LYPD1: variants seen among roughly 807,000 people sequenced by gnomAD.
The protein encoded by LYPD1 is ly6/PLAUR domain-containing protein 1.
In LYPD1, 14 loss-of-function variants were observed where a neutral mutation model predicts 14.2. The ratio of observed to expected loss-of-function variants is 0.99; its 90% CI spans 0.65 to 1.54. The LOEUF (loss-of-function observed/expected upper bound fraction) is 1.54. Among genes scored for constraint, LYPD1 ranks in the 40% most tolerant of loss-of-function variants. The probability of loss-of-function intolerance (pLI) is 0.00; values close to 1 mark genes in which losing one functional copy is unlikely to be tolerated. For missense variants in LYPD1, 165 were observed against 175.7 expected, an observed-to-expected ratio of 0.94 and a Z score of 0.34; for synonymous variants, 85 against 70.6, an observed-to-expected ratio of 1.20 and a Z score of -1.02.
upstream of LYPD1, chr2:132,671,148 G>C (rs1378632581): frequency 1.3e-5 from 2 of 152,308 alleles, no homozygotes; most frequent in Non-Finnish European, 2.9e-5. Flanking sequence ...CCTCAAATTC[G>C]TCTTCTTTCC....
At chr2:132,651,240 C>G (rs1682349551) in intron 2 of LYPD1, among the ~76,000 whole-genome samples, 1 of 152,178 alleles carries the variant, frequency 6.6e-6, no homozygotes, top group Admixed American at 6.5e-5. Flanking sequence ...CAACCATCCT[C>G]AAATGGCTTC....
chr2:132,653,831 A>C (rs954632766), intron 2 of LYPD1, among the ~76,000 whole-genome samples: 2 of 152,222 alleles, frequency 1.3e-5, no homozygotes, highest in African/African-American at 4.8e-5. Flanking sequence ...CTTGTCAAAA[A>C]TGCAAAACCT....
At chr2:132,668,756 T>A (rs1490846278) in intron 1 of LYPD1, among the ~76,000 whole-genome samples, 1 of 152,080 alleles carries the variant, frequency 6.6e-6, no homozygotes, top group Admixed American at 6.5e-5. Flanking sequence ...CCGCCACCCC[T>A]GGACCCCGGC....
chr2:132,650,897 AGGG>A (rs1374041594), intron 2 of LYPD1, among the ~76,000 whole-genome samples: 1 of 152,192 alleles, frequency 6.6e-6, no homozygotes, highest in Non-Finnish European at 1.5e-5. Flanking sequence ...TAATTTGCTT[AGGG>A]TCCATTCAGG....
At position 132,643,376 on chromosome 2, in the gene LYPD1, C is replaced by T. The variant is rs1681899665; in HGVS notation, c.*2669G>A. ...AACAAAGGAGAAGAGTTTCCAAGGC[C>T]TTCCTTGCTCACATATGGATTTGTG... is the stretch of plus-strand genomic sequence containing the variant. On this transcript the variant is annotated 3_prime_UTR_variant, in exon 3 of 3. Coordinates refer to ENST00000397463, the MANE Select transcript of LYPD1 (RefSeq NM_144586.7). Among the ~76,000 whole-genome samples, 1 of 152,192 alleles carries T rather than the reference C, an allele frequency of 6.6e-6. No individual in the cohort carries two copies. The highest frequency in any genetic ancestry group is 2.1e-4 in the South Asian group (1 of 4,828).
intron 2 of LYPD1, among the ~76,000 whole-genome samples, chr2:132,656,145 C>T (rs996732572): frequency 2.4e-4 from 37 of 152,206 alleles, no homozygotes; most frequent in African/African-American, 8.7e-4. Flanking sequence ...TTTCTGTGGA[C>T]CATTATGCAT....
chr2:132,667,578 C>A (rs2104928470), intron 2 of LYPD1, among the ~76,000 whole-genome samples: 1 of 152,310 alleles, frequency 6.6e-6, no homozygotes, highest in African/African-American at 2.4e-5. Flanking sequence ...ATTTCCCATC[C>A]TTTTAATATC....
At position 132,670,163 on chromosome 2, in the gene LYPD1, G is replaced by A. The variant is rs1282228928; in HGVS notation, c.-231C>T. 3.7e-6 allele frequency: 5 copies of A among 1,345,582 alleles called. No homozygotes were observed. Among genetic ancestry groups the A allele is most frequent in the Admixed American group, 3.9e-5 (1 of 25,558 alleles). The allele number at this position is 1,345,582 out of a possible 1,614,324, so 83.4% of individuals were successfully genotyped here. ...TCTGCTCCTCCCGCTCGCGCTCCCG[G>A]GCCGAGCACCGCGCCTCCGGAGTTG... On this transcript the variant is annotated 5_prime_UTR_variant, in exon 1 of 3. Transcript: ENST00000397463. The surrounding 1 kb of genome is among the most constrained non-coding windows in gnomAD (Gnocchi z 4.5).
rs534604885 is a variant in LYPD1, at chr2:132,656,474, AC to A, written c.191-10195del. Among the ~76,000 whole-genome samples the A allele has an allele frequency of 1.1e-4, 17 of 152,360 alleles. No homozygotes were observed. In the East Asian group the frequency reaches 3.3e-3, roughly 29 times the overall value. On this transcript the variant is annotated intron_variant, in intron 2 of 2. Coordinates refer to ENST00000397463, the MANE Select transcript of LYPD1 (RefSeq NM_144586.7). Reference sequence around the variant, plus strand: ...ATTGGAATGAACTACAAGCATTTTCACTGAGCTCAAAGAAACTGCAAGAAAA... The same window carrying A: ...ATTGGAATGAACTACAAGCATTTTCATGAGCTCAAAGAAACTGCAAGAAAA...
chr2:132,657,327 G>T (rs538272409), intron 2 of LYPD1, among the ~76,000 whole-genome samples: 1 of 152,120 alleles, frequency 6.6e-6, no homozygotes, highest in African/African-American at 2.4e-5. Flanking sequence ...GTTTGCCATG[G>T]GGGATTGAGG....
chr2:132,670,388 A>G (rs1683624816), upstream of LYPD1, among the ~76,000 whole-genome samples: 1 of 151,814 alleles, frequency 6.6e-6, no homozygotes, highest in Non-Finnish European at 1.5e-5. This position sits in a 1 kb window ranked among gnomAD's most constrained non-coding sequence, Gnocchi z 4.5. Context: ...CGTTCCTGGG[A>G]AAGGGGCGCC....
chr2:132,670,894 C>T (rs1683673115), upstream of LYPD1, among the ~76,000 whole-genome samples: 1 of 152,160 alleles, frequency 6.6e-6, no homozygotes, highest in Admixed American at 6.5e-5. The surrounding 1 kb of genome is among the most constrained non-coding windows in gnomAD (Gnocchi z 4.5). Flanking sequence ...CTGGAGGGTG[C>T]ATTGACACCG....
At position 132,648,719 on chromosome 2, in the gene LYPD1, A is replaced by G. The variant is rs75181122; in HGVS notation, c.191-2439T>C. Among the ~76,000 whole-genome samples the G allele has an allele frequency of 1.4e-3, 210 of 152,198 alleles. 5 individuals are homozygous for G. In the East Asian group the frequency reaches 0.039, roughly 28 times the overall value. ...TATCTTCATAAGGAAAGTTGGGGAGAGGTACAAGCTCTCAAGTTGGTGGTT... is the reference window on the plus strand; with the variant it reads ...TATCTTCATAAGGAAAGTTGGGGAGGGGTACAAGCTCTCAAGTTGGTGGTT... On this transcript the variant is annotated intron_variant, in intron 2 of 2. Coordinates refer to ENST00000397463, the MANE Select transcript of LYPD1 (RefSeq NM_144586.7).
In LYPD1 at chr2:132,644,821, T is replaced by G. The variant is rs2104884656; in HGVS notation, c.*1224A>C. On this transcript the variant is annotated 3_prime_UTR_variant, in exon 3 of 3. Coordinates refer to ENST00000397463, the MANE Select transcript of LYPD1 (RefSeq NM_144586.7). ...AAACAAACACCAATGAAAACATTTT[T>G]TTAAAATTAACAGACATCAACTGGT... 1 of 392,654 alleles carries G rather than the reference T, an allele frequency of 2.5e-6. No homozygotes were observed. Among genetic ancestry groups the G allele is most frequent in the South Asian group, 5.7e-5 (1 of 17,394 alleles). The allele number at this position is 392,654 out of a possible 1,614,324, so 24.3% of individuals were successfully genotyped here. A position where few individuals can be genotyped will look rare whatever the true frequency, so the allele number is the denominator to read the frequency against.
intron 2 of LYPD1, among the ~76,000 whole-genome samples, chr2:132,664,757 C>G (rs972731747): frequency 2.0e-5 from 3 of 152,178 alleles, no homozygotes; most frequent in Non-Finnish European, 4.4e-5. Flanking sequence ...AGGAAAAACT[C>G]TAATTACAAG....
At position 132,669,757 on chromosome 2, in the gene LYPD1, A is replaced by G. The variant is rs1214479232; in HGVS notation, c.52+124T>C. 6.9e-7 allele frequency: 1 copy of G among 1,456,636 alleles called. No individual in the cohort carries two copies. Among genetic ancestry groups the G allele is most frequent in the African/African-American group, 1.5e-5 (1 of 66,482 alleles). 90.2% of individuals were successfully genotyped at this position (1,456,636 alleles called of 1,614,324 possible). A position where few individuals can be genotyped will look rare whatever the true frequency, so the allele number is the denominator to read the frequency against. ...CCCCGGGGCACCAGTCGCGGCCGCC[A>G]ACTCCCGCTGGGCAGCCCCAGCGCA... On this transcript the variant is annotated intron_variant, in intron 1 of 2. Coordinates refer to ENST00000397463, the MANE Select transcript of LYPD1 (RefSeq NM_144586.7). This position sits in a 1 kb window ranked among gnomAD's most constrained non-coding sequence, Gnocchi z 4.3.
chr2:132,668,782 CCCAT>C (rs1683445370), intron 1 of LYPD1, among the ~76,000 whole-genome samples: 1 of 152,142 alleles, frequency 6.6e-6, no homozygotes, highest in Non-Finnish European at 1.5e-5. Context: ...ACACAAAGCG[CCCAT>C]CCATTACCAC....
At position 132,645,706 on chromosome 2, in the gene LYPD1, A is replaced by C; in HGVS notation, c.*339T>G. ...CAAACTATGCCCCCATCAGGGATGG[A>C]ATGGACACTGGAGGCTTTACAAAAG... On this transcript the variant is annotated 3_prime_UTR_variant, in exon 3 of 3. Transcript: ENST00000397463. The C allele has an allele frequency of 1.4e-6, 2 of 1,463,666 alleles. No homozygotes were observed. The highest frequency in any genetic ancestry group is 1.8e-6 in the Non-Finnish European group (2 of 1,091,200). 90.7% of individuals were successfully genotyped at this position (1,463,666 alleles called of 1,614,324 possible).
chr2:132,646,024 G>C lies in LYPD1; in HGVS notation c.*21C>G, dbSNP rs762327286. 5 of 1,502,534 alleles carry C rather than the reference G, an allele frequency of 3.3e-6. No homozygotes were observed. Among genetic ancestry groups the C allele is most frequent in the South Asian group, 2.6e-5 (2 of 76,344 alleles). 93.1% of individuals were successfully genotyped at this position (1,502,534 alleles called of 1,614,324 possible). A position where few individuals can be genotyped will look rare whatever the true frequency, so the allele number is the denominator to read the frequency against. On this transcript the variant is annotated 3_prime_UTR_variant, in exon 3 of 3. Transcript: ENST00000397463. ...GAGGGCTGGAAGAACAATGCAGGAG[G>C]GGGTGGCATCTCCTTCAGCTTCAGC... is the stretch of plus-strand genomic sequence containing the variant.
Sources: allele counts gnomAD v4.1 joint callset (sites outside exome capture counted in the v4.1 genomes callset), GRCh38; gene constraint gnomAD v4.1.1; non-coding constraint Gnocchi (gnomAD v3.1); transcripts MANE v1.5; gene names NCBI Gene and HGNC (gene_info 2026-07-23, HGNC 2026-07-21).